Variants in DOK6 observed in about 807,000 individuals in gnomAD.
The protein encoded by DOK6 is docking protein 6, also known as downstream of tyrosine kinase 6.
In DOK6, 22 loss-of-function variants were observed where a neutral mutation model predicts 44.0. The observed-to-expected ratio is 0.50, with a 90% CI of 0.36 to 0.71. The LOEUF is 0.71. Among genes scored for constraint, DOK6 ranks in the 30% least tolerant of loss-of-function variants. The pLI is 0.00. For synonymous variants in DOK6, 166 were observed against 145.5 expected (o/e 1.14, Z -1.01); for missense variants, 340 against 416.4 (o/e 0.82, Z 1.60).
At chr18:69,416,683 G>A (rs1978349560) in intron 1 of DOK6, among the ~76,000 whole-genome samples, 1 of 152,030 alleles carries the variant, frequency 6.6e-6, no homozygotes, top group Non-Finnish European at 1.5e-5. Flanking sequence ...TCCTCATCCT[G>A]GAAGTTTTCT....
chr18:69,653,561 A>C (rs1304681565), intron 3 of DOK6, among the ~76,000 whole-genome samples: 1 of 152,166 alleles, frequency 6.6e-6, no homozygotes, highest in Non-Finnish European at 1.5e-5. Context: ...TCCACCAAGG[A>C]AGAGGGACTT....
intron 3 of DOK6, among the ~76,000 whole-genome samples, chr18:69,612,606 C>G (rs367871802): frequency 0.016 from 830 of 50,788 alleles, 9 homozygotes; most frequent in African/African-American, 0.062. Context: ...TTTGTTCCCC[C>G]TCACGCTGCT....
chr18:69,504,048 A>C (rs1323420610), intron 1 of DOK6, among the ~76,000 whole-genome samples: 2 of 152,070 alleles, frequency 1.3e-5, no homozygotes, highest in East Asian at 3.9e-4. Flanking sequence ...ACGATGGAAA[A>C]TTATAATACT....
At chr18:69,455,276 G>C (rs1232438792) in intron 1 of DOK6, among the ~76,000 whole-genome samples, 1 of 151,948 alleles carries the variant, frequency 6.6e-6, no homozygotes, top group Non-Finnish European at 1.5e-5. Flanking sequence ...GTAACTAGTA[G>C]GTATGCTTCT....
chr18:69,794,089 A>C (rs2145099940), intron 7 of DOK6, among the ~76,000 whole-genome samples: 1 of 152,176 alleles, frequency 6.6e-6, no homozygotes, highest in Admixed American at 6.6e-5. Context: ...CTGAATGGAA[A>C]TTTTTCATTT....
intron 2 of DOK6, among the ~76,000 whole-genome samples, chr18:69,567,738 G>C (rs557127746): frequency 2.7e-4 from 41 of 152,242 alleles, no homozygotes; most frequent in African/African-American, 9.1e-4. Flanking sequence ...TCAGGTTCAA[G>C]CCCCAGCTGA....
intron 1 of DOK6, among the ~76,000 whole-genome samples, chr18:69,402,470 A>C (rs914029870): frequency 6.6e-6 from 1 of 152,218 alleles, no homozygotes; most frequent in African/African-American, 2.4e-5. Context: ...AGTGGAAGAA[A>C]GATAAGGTAG....
intron 1 of DOK6, among the ~76,000 whole-genome samples, chr18:69,519,976 T>C (rs920144166): frequency 2.0e-5 from 3 of 151,842 alleles, no homozygotes; most frequent in Non-Finnish European, 3.0e-5. Context: ...CCACACAAAA[T>C]AATATTGCCT....
At chr18:69,750,243 A>G (rs1458081531) in intron 6 of DOK6, among the ~76,000 whole-genome samples, 1 of 151,936 alleles carries the variant, frequency 6.6e-6, no homozygotes, top group African/African-American at 2.4e-5. Flanking sequence ...GGTAGGGGCT[A>G]GAAGATGGAG....
intron 1 of DOK6, among the ~76,000 whole-genome samples, chr18:69,529,634 T>A (rs1981929763): frequency 6.6e-6 from 1 of 152,204 alleles, no homozygotes; most frequent in African/African-American, 2.4e-5. Context: ...CTATATTTTC[T>A]TCCTTTAAAT....
At chr18:69,434,355 A>G (rs1978887944) in intron 1 of DOK6, among the ~76,000 whole-genome samples, 2 of 152,176 alleles carry the variant, frequency 1.3e-5, no homozygotes, top group Non-Finnish European at 2.9e-5. Context: ...CAAAATGGGG[A>G]AAATAATTCT....
At chr18:69,629,457 C>T (rs1234833104) in intron 3 of DOK6, among the ~76,000 whole-genome samples, 1 of 152,160 alleles carries the variant, frequency 6.6e-6, no homozygotes, top group African/African-American at 2.4e-5. Flanking sequence ...TTCTGACAGG[C>T]TCTTTTGCTC....
intron 1 of DOK6, among the ~76,000 whole-genome samples, chr18:69,447,065 C>T (rs188493258): frequency 1.1e-3 from 164 of 152,260 alleles, no homozygotes; most frequent in African/African-American, 3.7e-3. Flanking sequence ...TTAATTAGAT[C>T]GCATTTGTCA....
Position 69,759,847 on chromosome 18 carries a change from G to T in DOK6, c.856+1974G>T, listed in dbSNP as rs540385601. 3.9e-5 allele frequency among the ~76,000 whole-genome samples: 6 copies of T among 152,222 alleles called. No individual in the cohort carries two copies. In the South Asian group the frequency reaches 8.3e-4, roughly 21 times the overall value. ...TATTTCATGTTTCTCTGGTTGGTTG[G>T]TGATGATTACAGAGTGAAAAATATG... On this transcript the variant is annotated intron_variant, in intron 7 of 7. Transcript: ENST00000382713.
Position 69,763,603 on chromosome 18 carries a change from G to A in DOK6, c.856+5730G>A, listed in dbSNP as rs145449447. ...AAAAAGAGAAAGAAAGAAATACAGA[G>A]AAGTTGAGGAGGGGAGCACAGGAAA... is the stretch of plus-strand genomic sequence containing the variant. On this transcript the variant is annotated intron_variant, in intron 7 of 7. Transcript: ENST00000382713. Among the ~76,000 whole-genome samples the A allele has an allele frequency of 2.8e-3, 420 of 152,192 alleles. 2 individuals are homozygous for A. Among genetic ancestry groups the A allele is most frequent in the African/African-American group, 9.7e-3 (403 of 41,524 alleles).
At chr18:69,612,951 G>T (rs549652328) in intron 3 of DOK6, among the ~76,000 whole-genome samples, 219 of 151,078 alleles carry the variant, frequency 1.4e-3, no homozygotes, top group African/African-American at 4.6e-3. Flanking sequence ...GCATGATCAT[G>T]GCTCACTGCA....
In DOK6 at chr18:69,435,015, T is replaced by TAGGGAG. The variant is rs1342377615; in HGVS notation, c.66+33706_66+33711dup. ...AGGAAGGAAGGAAGAAAGATTAGTGTAGGGAGGGAGGGAAGGAAGGAAGGA... is the reference window on the plus strand; with the variant it reads ...AGGAAGGAAGGAAGAAAGATTAGTGTAGGGAGAGGGAGGGAGGGAAGGAAGGAAGGA... On this transcript the variant is annotated intron_variant, in intron 1 of 7. Coordinates refer to ENST00000382713, the MANE Select transcript of DOK6 (RefSeq NM_152721.6). 3.4e-3 allele frequency among the ~76,000 whole-genome samples: 132 copies of TAGGGAG among 38,892 alleles called. 2 individuals carry two copies. The highest frequency in any genetic ancestry group is 8.8e-3 in the African/African-American group (99 of 11,256). The allele number at this position is 38,892 out of a possible 152,430, so 25.5% of individuals were successfully genotyped here.
intron 6 of DOK6, among the ~76,000 whole-genome samples, chr18:69,752,727 CAAA>C (rs952261273): frequency 2.0e-5 from 3 of 152,118 alleles, no homozygotes; most frequent in African/African-American, 7.2e-5. Context: ...GCAGAAAACA[CAAA>C]AAACTCCTGA....
chr18:69,632,803 C>G (rs901301875), intron 3 of DOK6, among the ~76,000 whole-genome samples: 1 of 152,180 alleles, frequency 6.6e-6, no homozygotes, highest in African/African-American at 2.4e-5. Context: ...TCATTTGGAG[C>G]AAGACAAAAT....
Sources: allele counts gnomAD v4.1 joint callset (sites outside exome capture counted in the v4.1 genomes callset), GRCh38; gene constraint gnomAD v4.1.1; transcripts MANE v1.5; gene names NCBI Gene and HGNC (gene_info 2026-07-23, HGNC 2026-07-21).